The following LINGO2 variants were observed in gnomAD, a reference collection of about 807,000 sequenced individuals.
LINGO2 encodes leucine-rich repeat and immunoglobulin-like domain-containing nogo receptor-interacting protein 2.
Under a neutral mutation model 30.6 loss-of-function variants are expected in LINGO2, and 14 were observed. The observed-to-expected ratio is 0.46, with a 90% confidence interval of 0.30 to 0.72. The LOEUF (loss-of-function observed/expected upper bound fraction) is 0.72. Ranked by LOEUF, LINGO2 falls within the 30% of genes least tolerant of loss-of-function variation. LINGO2 has a pLI of 0.07. For synonymous variants in LINGO2, 317 were observed against 288.5 expected (o/e 1.10, Z -1.00); for missense variants, 729 against 751.7 (o/e 0.97, Z 0.35).
the LINGO2 span, among the ~76,000 whole-genome samples, chr9:28,831,828 T>A: frequency 6.6e-6 from 1 of 152,154 alleles, no homozygotes; most frequent in South Asian, 2.1e-4. Flanking sequence ...AACTTTTGTT[T>A]GTTTTGTTTT....
Position 28,147,695 on chromosome 9 carries a change from C to T in LINGO2, c.-86-135290G>A, listed in dbSNP as rs957086874. The stretch of plus-strand genomic sequence containing the variant: ...CAGCCCCGCACCCCCAACAGCCCCA[C>T]GGGGGGGCCCGTCCAGGGCCACACA... On this transcript the variant is annotated intron_variant, in intron 4 of 5. Coordinates refer to ENST00000379992, the Ensembl canonical transcript of LINGO2. This position sits in a 1 kb window ranked among gnomAD's most constrained non-coding sequence, Gnocchi z 4.7. Among the ~76,000 whole-genome samples the T allele has an allele frequency of 1.1e-4, 16 of 152,224 alleles. No homozygotes were observed. The highest frequency in any genetic ancestry group is 3.4e-3 in the Middle Eastern group (1 of 294).
intron 4 of LINGO2, among the ~76,000 whole-genome samples, chr9:28,233,878 G>T (rs1821463748): frequency 6.6e-6 from 1 of 152,122 alleles, no homozygotes; most frequent in African/African-American, 2.4e-5. Flanking sequence ...GCCTGGTCTT[G>T]GCAGAATTCA....
rs1248671906 is a variant in LINGO2 at position 28,411,246 on chromosome 9, C to A, written c.-278-38378G>T. On this transcript the variant is annotated intron_variant, in intron 2 of 5. Coordinates refer to ENST00000379992, the Ensembl canonical transcript of LINGO2. The stretch of plus-strand genomic sequence containing the variant: ...GAGCAAAGTGATATTTAATAAACCA[C>A]ATGCTCCTTTTTTTTAGGATCTATT... 2.0e-5 allele frequency among the ~76,000 whole-genome samples: 3 copies of A among 152,136 alleles called. No individual in the cohort carries two copies. The East Asian group carries it at 5.8e-4, about 29-fold the overall frequency.
the LINGO2 span, among the ~76,000 whole-genome samples, chr9:28,748,848 A>T: frequency 6.6e-6 from 1 of 152,042 alleles, no homozygotes. Flanking sequence ...TAAGATTAAC[A>T]GTAAATCAAA....
intron 4 of LINGO2, among the ~76,000 whole-genome samples, chr9:28,125,164 T>C (rs1563988938): frequency 6.6e-6 from 1 of 152,102 alleles, no homozygotes; most frequent in Non-Finnish European, 1.5e-5. Context: ...AGAAGAAAAA[T>C]GTGTGTGCAT....
intron 4 of LINGO2, among the ~76,000 whole-genome samples, chr9:28,123,626 C>A (rs756732484): frequency 1.3e-5 from 2 of 152,004 alleles, no homozygotes; most frequent in Admixed American, 1.3e-4. Flanking sequence ...AAAATGTGAA[C>A]CCTTCTATAA....
chr9:28,547,099 C>T (rs1252373270), intron 1 of LINGO2, among the ~76,000 whole-genome samples: 1 of 152,092 alleles, frequency 6.6e-6, no homozygotes, highest in African/African-American at 2.4e-5. Context: ...AGACACTAAA[C>T]ATGTCTCCAT....
the LINGO2 span, among the ~76,000 whole-genome samples, chr9:28,857,896 AT>A: frequency 6.6e-6 from 1 of 151,848 alleles, no homozygotes; most frequent in Non-Finnish European, 1.5e-5. Context: ...ATTTCTTTTA[AT>A]TTTTTTAATG....
chr9:28,928,430 C>A, the LINGO2 span, among the ~76,000 whole-genome samples: 1 of 152,022 alleles, frequency 6.6e-6, no homozygotes, highest in Non-Finnish European at 1.5e-5. Flanking sequence ...CGATAGTTGA[C>A]CCTTGAACAA....
the LINGO2 span, among the ~76,000 whole-genome samples, chr9:28,845,154 G>A: frequency 5.9e-5 from 9 of 151,800 alleles, no homozygotes; most frequent in East Asian, 9.7e-4. Context: ...AATCATTTAC[G>A]GTAGGAAAAA....
chr9:28,473,205 G>GT (rs11327044), intron 2 of LINGO2, among the ~76,000 whole-genome samples: 64 of 150,604 alleles, frequency 4.2e-4, no homozygotes, highest in Non-Finnish European at 6.4e-4. Context: ...CTGATAACTT[G>GT]TTTTTTTTTT....
At chr9:28,617,479 T>G (rs978900201) in intron 1 of LINGO2, among the ~76,000 whole-genome samples, 1 of 152,016 alleles carries the variant, frequency 6.6e-6, no homozygotes, top group Non-Finnish European at 1.5e-5. Context: ...GTATTTTTAG[T>G]AGAGACGGGG....
chr9:28,600,095 C>T (rs1327930112), intron 1 of LINGO2, among the ~76,000 whole-genome samples: 1 of 152,034 alleles, frequency 6.6e-6, no homozygotes, highest in African/African-American at 2.4e-5. Context: ...TCCACTCCAC[C>T]ATTGCTATGA....
At chr9:29,120,469 T>C in the LINGO2 span, among the ~76,000 whole-genome samples, 2 of 152,188 alleles carry the variant, frequency 1.3e-5, no homozygotes, top group African/African-American at 2.4e-5. Context: ...TGTCATATTG[T>C]CTTATTGTTT....
At chr9:28,124,713 A>T (rs1404960990) in intron 4 of LINGO2, among the ~76,000 whole-genome samples, 2 of 152,212 alleles carry the variant, frequency 1.3e-5, no homozygotes, top group Non-Finnish European at 2.9e-5. Flanking sequence ...GGCAGCTGCT[A>T]GCATTCATTA....
chr9:28,675,521 C>T, the LINGO2 span, among the ~76,000 whole-genome samples: 1 of 151,912 alleles, frequency 6.6e-6, no homozygotes, highest in Admixed American at 6.6e-5. Context: ...TGAATATTAA[C>T]TTTTAAACAA....
exon 6 of LINGO2, chr9:27,949,821 G>C (rs981676822): frequency 1.9e-6 from 3 of 1,614,060 alleles, no homozygotes; most frequent in Non-Finnish European, 2.5e-6. Context: ...AGTGCTGATG[G>C]GATTGTAGGA....
chr9:28,531,834 G>A (rs1821248187), intron 1 of LINGO2, among the ~76,000 whole-genome samples: 2 of 152,070 alleles, frequency 1.3e-5, no homozygotes, highest in African/African-American at 4.8e-5. Context: ...AAGCTTTTGT[G>A]TGTGAAAATT....
At chr9:28,227,786 G>C (rs1029885864) in intron 4 of LINGO2, among the ~76,000 whole-genome samples, 1 of 152,004 alleles carries the variant, frequency 6.6e-6, no homozygotes, top group African/African-American at 2.4e-5. Flanking sequence ...TGAGCAATAT[G>C]AATGCCTAGC....
Sources: allele counts gnomAD v4.1 joint callset (sites outside exome capture counted in the v4.1 genomes callset), GRCh38; gene constraint gnomAD v4.1.1; non-coding constraint Gnocchi (gnomAD v3.1); transcripts MANE v1.5; gene names NCBI Gene and HGNC (gene_info 2026-07-23, HGNC 2026-07-21).